The following ROR1 variants were observed in gnomAD, a reference collection of about 807,000 sequenced individuals.
ROR1 encodes the protein ROR family WNT receptor 1, also known as inactive tyrosine-protein kinase transmembrane receptor ROR1.
In ROR1, 19 loss-of-function variants were observed where a neutral mutation model predicts 78.8. That is an observed-to-expected ratio of 0.24 (90% CI 0.17 to 0.35). The LOEUF (loss-of-function observed/expected upper bound fraction) is 0.35, where lower values mean the gene tolerates loss of function less well. Among genes scored for constraint, ROR1 ranks in the 10% least tolerant of loss-of-function variants. The probability of loss-of-function intolerance (pLI) is 1.00; values close to 1 mark genes in which losing one functional copy is unlikely to be tolerated. For missense variants in ROR1, 917 were observed against 1,177.8 expected (o/e 0.78, Z 3.24); for synonymous variants, 386 against 433.6 (o/e 0.89, Z 1.36).
chr1:63,824,953 C>T (rs1171318370), intron 1 of ROR1, among the ~76,000 whole-genome samples: 3 of 151,832 alleles, frequency 2.0e-5, no homozygotes, highest in Non-Finnish European at 2.9e-5. Flanking sequence ...GTTGAATATT[C>T]AAATATAAAC....
At chr1:64,042,266 C>A (rs954280296) in intron 2 of ROR1, among the ~76,000 whole-genome samples, 12 of 152,062 alleles carry the variant, frequency 7.9e-5, no homozygotes, top group Non-Finnish European at 1.5e-5. Flanking sequence ...GGGTGGGACC[C>A]AGGTATCAGT....
chr1:64,001,758 A>T (rs1244184926), intron 1 of ROR1, among the ~76,000 whole-genome samples: 1 of 152,100 alleles, frequency 6.6e-6, no homozygotes, highest in Non-Finnish European at 1.5e-5. Context: ...GGGAGCTCAG[A>T]TTTCGCTCTG....
At chr1:63,989,332 A>G (rs992782132) in intron 1 of ROR1, among the ~76,000 whole-genome samples, 2 of 152,046 alleles carry the variant, frequency 1.3e-5, no homozygotes, top group African/African-American at 4.8e-5. Flanking sequence ...TATTAATTTT[A>G]TAAAATTATG....
chr1:64,144,361 C>T (rs759660253), intron 7 of ROR1, among the ~76,000 whole-genome samples: 2 of 151,994 alleles, frequency 1.3e-5, no homozygotes, highest in Non-Finnish European at 2.9e-5. Context: ...GAGATGGATA[C>T]GAAGGAAATG....
chr1:64,099,244 A>C (rs1053560618), intron 4 of ROR1, among the ~76,000 whole-genome samples: 2 of 152,182 alleles, frequency 1.3e-5, no homozygotes, highest in African/African-American at 4.8e-5. Context: ...GGATCAGGCA[A>C]TTGAGCCTCA....
chr1:63,871,767 C>T (rs1645252834), intron 1 of ROR1, among the ~76,000 whole-genome samples: 1 of 152,178 alleles, frequency 6.6e-6, no homozygotes, highest in African/African-American at 2.4e-5. Flanking sequence ...CATGCTTATC[C>T]CTACTGGAGA....
intron 4 of ROR1, among the ~76,000 whole-genome samples, chr1:64,086,411 G>A (rs1309865044): frequency 6.6e-6 from 1 of 152,170 alleles, no homozygotes; most frequent in Non-Finnish European, 1.5e-5. Context: ...CATGCACTAA[G>A]AGCCGGGTGC....
intron 4 of ROR1, among the ~76,000 whole-genome samples, chr1:64,078,621 C>T (rs1647072591): frequency 1.3e-5 from 2 of 152,048 alleles, no homozygotes; most frequent in Admixed American, 1.3e-4. Context: ...AAATGCCGGA[C>T]AGAGAGTGAC....
At chr1:64,103,377 C>T (rs1267578384) in intron 4 of ROR1, among the ~76,000 whole-genome samples, 2 of 150,514 alleles carry the variant, frequency 1.3e-5, no homozygotes, top group African/African-American at 2.4e-5. Flanking sequence ...AATCTCAATG[C>T]AACATTTATA....
intron 1 of ROR1, among the ~76,000 whole-genome samples, chr1:63,879,728 T>C (rs908550688): frequency 6.6e-6 from 1 of 152,156 alleles, no homozygotes; most frequent in Non-Finnish European, 1.5e-5. Flanking sequence ...GAAAACATAA[T>C]CATAGAACTT....
At chr1:63,807,275 G>C (rs996826001) in intron 1 of ROR1, among the ~76,000 whole-genome samples, 1 of 152,160 alleles carries the variant, frequency 6.6e-6, no homozygotes, top group African/African-American at 2.4e-5. Context: ...TGGGCAAGGT[G>C]GGGGTGGCTG....
chr1:63,977,487 G>C (rs1177841812), intron 1 of ROR1, among the ~76,000 whole-genome samples: 1 of 152,130 alleles, frequency 6.6e-6, no homozygotes, highest in Non-Finnish European at 1.5e-5. Flanking sequence ...CTGTCACTCA[G>C]CAGCTCTGGA....
intron 1 of ROR1, among the ~76,000 whole-genome samples, chr1:63,852,283 A>G (rs1184135676): frequency 6.6e-6 from 1 of 152,194 alleles, no homozygotes; most frequent in Admixed American, 6.5e-5. Context: ...GCATACATGT[A>G]TGTGTACCCT....
At chr1:64,139,362 A>G (rs975204511) in intron 5 of ROR1, among the ~76,000 whole-genome samples, 3 of 151,960 alleles carry the variant, frequency 2.0e-5, no homozygotes, top group Non-Finnish European at 4.4e-5. Context: ...TCTATTTCAC[A>G]TGATTAATGT....
chr1:63,864,111 G>A (rs911430452), intron 1 of ROR1, among the ~76,000 whole-genome samples: 13 of 152,110 alleles, frequency 8.5e-5, no homozygotes, highest in African/African-American at 2.9e-4. Context: ...TTTTGAAGTA[G>A]GCATTATTAT....
intron 4 of ROR1, among the ~76,000 whole-genome samples, chr1:64,056,096 G>T (rs183310540): frequency 5.9e-5 from 9 of 152,238 alleles, no homozygotes; most frequent in Non-Finnish European, 1.2e-4. Flanking sequence ...GGACATTTGG[G>T]TTGCTTCTAC....
chr1:63,912,430 G>T (rs1351685607), intron 1 of ROR1, among the ~76,000 whole-genome samples: 3 of 152,106 alleles, frequency 2.0e-5, no homozygotes, highest in African/African-American at 7.2e-5. Flanking sequence ...TTTACAAAAC[G>T]CTCTGAGAGC....
At chr1:64,126,559 T>A (rs887829735) in intron 4 of ROR1, among the ~76,000 whole-genome samples, 35 of 151,268 alleles carry the variant, frequency 2.3e-4, no homozygotes, top group Admixed American at 2.0e-3. Context: ...AAGAACATAT[T>A]ATACAGTTCA....
intron 1 of ROR1, among the ~76,000 whole-genome samples, chr1:63,865,557 T>A (rs1322312059): frequency 2.0e-5 from 3 of 152,224 alleles, no homozygotes; most frequent in Admixed American, 2.0e-4. Context: ...AGTCCTTTTT[T>A]TTCCCATACA....
Sources: gnomAD v4.1 joint callset for allele counts (sites outside exome capture counted in the v4.1 genomes callset) on GRCh38, gnomAD v4.1.1 for gene constraint, MANE v1.5 for transcripts, NCBI Gene and HGNC (gene_info 2026-07-23, HGNC 2026-07-21) for gene names.